The following CREB5 variants were observed in gnomAD, a reference collection of about 807,000 sequenced individuals.
CREB5 encodes the protein cAMP responsive element binding protein 5.
In CREB5, 19 loss-of-function variants were observed where a neutral mutation model predicts 57.1. The ratio of observed to expected loss-of-function variants is 0.33; its 90% CI spans 0.23 to 0.49. CREB5 has a LOEUF of 0.49. Ranked by LOEUF, CREB5 falls within the 20% of genes least tolerant of loss-of-function variation. The pLI is 0.99. For synonymous variants in CREB5, 238 were observed against 238.3 expected (o/e 1.00, Z 0.01); for missense variants, 579 against 671.6 (o/e 0.86, Z 1.52).
At chr7:28,451,130 T>C (rs1031466179) in intron 1 of CREB5, among the ~76,000 whole-genome samples, 2 of 151,862 alleles carry the variant, frequency 1.3e-5, no homozygotes, top group African/African-American at 4.8e-5. Context: ...GTCTATGGAG[T>C]GGGTGTGAGG....
At chr7:28,302,282 G>C (rs901185105) in intron 1 of CREB5, among the ~76,000 whole-genome samples, 1 of 152,086 alleles carries the variant, frequency 6.6e-6, no homozygotes, top group African/African-American at 2.4e-5. Flanking sequence ...GGTTTCTACT[G>C]AGAAGACATA....
intron 4 of CREB5, among the ~76,000 whole-genome samples, chr7:28,529,617 A>G (rs1793632966): frequency 6.6e-6 from 1 of 152,232 alleles, no homozygotes; most frequent in Non-Finnish European, 1.5e-5. Flanking sequence ...AATAAAGAAC[A>G]AAAACTGTCT....
chr7:28,560,991 TGTGCCTGCGTGTGC>T (rs1795233614), intron 4 of CREB5, among the ~76,000 whole-genome samples: 1 of 47,054 alleles, frequency 2.1e-5, no homozygotes, highest in Non-Finnish European at 5.1e-5. Context: ...CGTGCGTGTG[TGTGCCTGCGTGTGC>T]GTGTGTGTGT....
At chr7:28,387,758 C>A (rs1787141222) in intron 1 of CREB5, among the ~76,000 whole-genome samples, 1 of 151,954 alleles carries the variant, frequency 6.6e-6, no homozygotes, top group African/African-American at 2.4e-5. Flanking sequence ...GTAATAAACC[C>A]ATGTAATAAA....
intron 7 of CREB5, among the ~76,000 whole-genome samples, chr7:28,790,464 GAGAGAGAGAGAA>G (rs1562643066): frequency 5.8e-4 from 52 of 89,478 alleles, no homozygotes; most frequent in African/African-American, 2.2e-3. Flanking sequence ...GAGAGAGATA[GAGAGAGAGAGAA>G]AGAAAGAAAG....
At chr7:28,552,606 G>T (rs1050869780) in intron 4 of CREB5, among the ~76,000 whole-genome samples, 1 of 152,150 alleles carries the variant, frequency 6.6e-6, no homozygotes, top group East Asian at 1.9e-4. Flanking sequence ...TCCCCTTGAC[G>T]CTCTTTAGCC....
At chr7:28,514,216 G>A (rs981479740) in intron 4 of CREB5, among the ~76,000 whole-genome samples, 23 of 152,272 alleles carry the variant, frequency 1.5e-4, no homozygotes, top group African/African-American at 5.5e-4. Flanking sequence ...GATTTTGAGT[G>A]CTTGATTATT....
At chr7:28,777,242 TAAA>T (rs1325094101) in intron 7 of CREB5, among the ~76,000 whole-genome samples, 2 of 152,214 alleles carry the variant, frequency 1.3e-5, no homozygotes, top group African/African-American at 4.8e-5. Flanking sequence ...TTCCGAACCT[TAAA>T]ACAATGTCCG....
chr7:28,531,982 T>C (rs565130212), intron 4 of CREB5, among the ~76,000 whole-genome samples: 32 of 152,318 alleles, frequency 2.1e-4, no homozygotes, highest in African/African-American at 7.2e-4. Flanking sequence ...TGAGCTGAGA[T>C]TGTGCCACTG....
At chr7:28,599,502 T>A (rs928160675) in intron 5 of CREB5, among the ~76,000 whole-genome samples, 2 of 152,206 alleles carry the variant, frequency 1.3e-5, no homozygotes, top group Middle Eastern at 3.4e-3. Flanking sequence ...TGTATGGGGG[T>A]GGAGGTGGGA....
chr7:28,524,110 A>C (rs1295630087), intron 4 of CREB5, among the ~76,000 whole-genome samples: 1 of 152,214 alleles, frequency 6.6e-6, no homozygotes, highest in African/African-American at 2.4e-5. Context: ...TATCTGAGAC[A>C]AGGAAGACTG....
At chr7:28,443,782 A>G (rs1483318084) in intron 1 of CREB5, among the ~76,000 whole-genome samples, 1 of 152,158 alleles carries the variant, frequency 6.6e-6, no homozygotes, top group African/African-American at 2.4e-5. Flanking sequence ...ATATAAAATG[A>G]TAATTCACTT....
intron 1 of CREB5, among the ~76,000 whole-genome samples, chr7:28,329,694 A>G (rs1245449141): frequency 6.6e-6 from 1 of 152,170 alleles, no homozygotes. Context: ...TTAGCCATGA[A>G]AGGGTTCAGC....
intron 4 of CREB5, among the ~76,000 whole-genome samples, chr7:28,508,990 A>G (rs1057500800): frequency 1.3e-5 from 2 of 152,238 alleles, no homozygotes; most frequent in African/African-American, 4.8e-5. Context: ...ATATGTATAT[A>G]TATTTAAAAC....
intron 1 of CREB5, among the ~76,000 whole-genome samples, chr7:28,449,901 C>G (rs929460919): frequency 6.6e-6 from 1 of 152,148 alleles, no homozygotes; most frequent in African/African-American, 2.4e-5. Flanking sequence ...CCCTCCCATC[C>G]TTTACTTCAC....
intron 5 of CREB5, among the ~76,000 whole-genome samples, chr7:28,621,703 G>A (rs1208671382): frequency 6.6e-6 from 1 of 152,152 alleles, no homozygotes; most frequent in African/African-American, 2.4e-5. Flanking sequence ...TGTGTCTGTG[G>A]TGCGCTGTGA....
At chr7:28,357,632 T>G (rs760960489) in intron 1 of CREB5, among the ~76,000 whole-genome samples, 5 of 152,230 alleles carry the variant, frequency 3.3e-5, no homozygotes, top group Non-Finnish European at 7.3e-5. Flanking sequence ...ATCTCTCTGC[T>G]TTAGAGATGC....
chr7:28,682,697 A>T (rs62443606), intron 5 of CREB5, among the ~76,000 whole-genome samples: 10,687 of 149,328 alleles, frequency 0.072, 551 homozygotes, highest in Non-Finnish European at 0.11. Flanking sequence ...GGGGGGGGAA[A>T]CCCCAGCTCT....
intron 5 of CREB5, among the ~76,000 whole-genome samples, chr7:28,620,073 G>C (rs1463759891): frequency 1.3e-5 from 2 of 152,138 alleles, no homozygotes; most frequent in African/African-American, 4.8e-5. Flanking sequence ...ATGAAGTGAA[G>C]CTTCTCAAAA....
Sources: gnomAD v4.1 joint callset for allele counts (sites outside exome capture counted in the v4.1 genomes callset) on GRCh38, gnomAD v4.1.1 for gene constraint, MANE v1.5 for transcripts, NCBI Gene and HGNC (gene_info 2026-07-23, HGNC 2026-07-21) for gene names.